Variants in KATNAL1 observed in about 807,000 individuals in gnomAD.
KATNAL1 encodes katanin catalytic subunit A1 like 1, also known as katanin p60 ATPase-containing subunit A-like 1.
In KATNAL1, 32 loss-of-function variants were observed where a neutral mutation model predicts 55.2. The ratio of observed to expected loss-of-function variants is 0.58; its 90% confidence interval spans 0.44 to 0.78. The LOEUF (loss-of-function observed/expected upper bound fraction) is 0.78, where lower values mean the gene tolerates loss of function less well. Among genes scored for constraint, KATNAL1 ranks in the 30% least tolerant of loss-of-function variants. The pLI, the probability that KATNAL1 is intolerant of heterozygous loss-of-function variation, is 0.00. For synonymous variants in KATNAL1, 193 were observed against 193.6 expected, an observed-to-expected ratio of 1.00 and a Z score of 0.02; for missense variants, 466 against 600.9, an observed-to-expected ratio of 0.78 and a Z score of 2.35.
intron 4 of KATNAL1, among the ~76,000 whole-genome samples, chr13:30,244,757 A>T (rs1877617999): frequency 6.6e-6 from 1 of 152,208 alleles, no homozygotes. Flanking sequence ...ACCATCAGAG[A>T]ATACTATAAA....
chr13:30,237,633 A>G (rs144433149), intron 6 of KATNAL1, among the ~76,000 whole-genome samples: 225 of 152,340 alleles, frequency 1.5e-3, no homozygotes, highest in African/African-American at 5.1e-3. Flanking sequence ...TTGAAAAGGC[A>G]CTTAATATGT....
Position 30,273,763 on chromosome 13 carries a change from T to TA in KATNAL1, c.323+6299dup, listed in dbSNP as rs1270144009. Among the ~76,000 whole-genome samples, 7 of 152,362 alleles carry TA rather than the reference T, an allele frequency of 4.6e-5. No homozygotes were observed. The East Asian group carries it at 1.3e-3, about 29-fold the overall frequency. The stretch of plus-strand genomic sequence containing the variant: ...TATTCCATCATATAAAGAATGAACT[T>TA]AAAATTTCTTTGTCATTAGTTCCTG... On this transcript the variant is annotated intron_variant, in intron 3 of 10. Transcript: ENST00000380615.
At chr13:30,255,043 T>C (rs894634300) in intron 4 of KATNAL1, among the ~76,000 whole-genome samples, 1 of 152,236 alleles carries the variant, frequency 6.6e-6, no homozygotes, top group Non-Finnish European at 1.5e-5. Context: ...AAGATACTTA[T>C]TTTTGGCAGT....
intron 9 of KATNAL1, among the ~76,000 whole-genome samples, chr13:30,223,380 T>C (rs1488064087): frequency 7.0e-6 from 1 of 142,000 alleles, no homozygotes; most frequent in African/African-American, 2.7e-5. Flanking sequence ...AGGCAGAGCT[T>C]GCAGTGAGCC....
intron 1 of KATNAL1, among the ~76,000 whole-genome samples, chr13:30,293,462 C>G (rs1882275635): frequency 6.6e-6 from 1 of 152,150 alleles, no homozygotes. Flanking sequence ...CCCTCCCAGT[C>G]AGTACTTTAA....
chr13:30,240,650 CT>C, intron 5 of KATNAL1, 85 bp from the exon 6 acceptor site: 1 of 910,810 alleles, frequency 1.1e-6, no homozygotes. Flanking sequence ...TTTTTTTTTA[CT>C]TATGAAATTA....
chr13:30,228,365 G>A (rs1875726190), intron 8 of KATNAL1, among the ~76,000 whole-genome samples: 1 of 152,122 alleles, frequency 6.6e-6, no homozygotes, highest in Non-Finnish European at 1.5e-5. Flanking sequence ...TGTTGTTCAG[G>A]CTGGAGTGCT....
chr13:30,279,959 T>G, intron 3 of KATNAL1, 104 bp downstream of exon 3: 1 of 969,436 alleles, frequency 1.0e-6, no homozygotes. Context: ...GATACTGAAA[T>G]TACATGTCCC....
chr13:30,303,431 G>A (rs894671022), intron 1 of KATNAL1, among the ~76,000 whole-genome samples: 7 of 152,282 alleles, frequency 4.6e-5, no homozygotes, highest in Admixed American at 2.0e-4. Flanking sequence ...GCCGGGTGTG[G>A]CCACATGCCT....
chr13:30,263,832 A>C (rs1230526202), intron 3 of KATNAL1, among the ~76,000 whole-genome samples: 1 of 145,020 alleles, frequency 6.9e-6, no homozygotes, highest in East Asian at 2.0e-4. Context: ...TGCCATCCCC[A>C]TCAAGCTACC....
chr13:30,204,859 G>A lies in KATNAL1; in HGVS notation c.*3681C>T, dbSNP rs1291867435. 1 of 152,200 alleles carries A rather than the reference G, an allele frequency of 6.6e-6. No homozygotes were observed. The highest frequency in any genetic ancestry group is 1.5e-5 in the Non-Finnish European group (1 of 68,040). The allele number at this position is 152,200 out of a possible 1,614,324, so 9.4% of individuals were successfully genotyped here. On this transcript the variant is annotated 3_prime_UTR_variant, in exon 11 of 11. Transcript: ENST00000380615. ...TCCAAAATGGCTAGGTATTGTGGGA[G>A]GTAGTGGTCAGACCCGAAAGTGTGT...
intron 1 of KATNAL1, among the ~76,000 whole-genome samples, chr13:30,302,644 G>A (rs1018506830): frequency 3.3e-5 from 5 of 152,200 alleles, no homozygotes; most frequent in African/African-American, 7.2e-5. Flanking sequence ...CCTCAAACAC[G>A]TAAAAGCTAA....
In KATNAL1 at chr13:30,223,235, C is replaced by T. The variant is rs536791010; in HGVS notation, c.1147+4177G>A. On this transcript the variant is annotated intron_variant, in intron 9 of 10. Coordinates refer to ENST00000380615, the MANE Select transcript of KATNAL1 (RefSeq NM_032116.5). ...CGGGCGGATCACAAGGTCAGGAGAT[C>T]GAGACCATCCTGGCTAACACGGTGA... Among the ~76,000 whole-genome samples the T allele has an allele frequency of 3.2e-4, 49 of 151,948 alleles. No homozygotes were observed. In the South Asian group the frequency reaches 5.6e-3, roughly 17 times the overall value.
In KATNAL1 at chr13:30,204,009, C is replaced by T. The variant is rs1325182893; in HGVS notation, c.*4531G>A. The T allele has an allele frequency of 6.6e-6, 1 of 152,072 alleles. No individual in the cohort carries two copies. The highest frequency in any genetic ancestry group is 1.5e-5 in the Non-Finnish European group (1 of 68,004). The allele number at this position is 152,072 out of a possible 1,614,324, so 9.4% of individuals were successfully genotyped here. On this transcript the variant is annotated 3_prime_UTR_variant, in exon 11 of 11. Coordinates refer to ENST00000380615, the MANE Select transcript of KATNAL1 (RefSeq NM_032116.5). ...TTAGTGGAGATGACAGTAAAACATT[C>T]GAGGCTTAAATATTTTTACCCCCCT...
chr13:30,270,333 C>A (rs1400997664), intron 3 of KATNAL1, among the ~76,000 whole-genome samples: 1 of 148,604 alleles, frequency 6.7e-6, no homozygotes, highest in Non-Finnish European at 1.5e-5. Flanking sequence ...AGCCGCCCCA[C>A]CCGGGAGGTG....
chr13:30,211,869 G>T (rs779159353), intron 9 of KATNAL1, among the ~76,000 whole-genome samples: 33 of 152,220 alleles, frequency 2.2e-4, no homozygotes, highest in Non-Finnish European at 3.4e-4. Context: ...TGTGGAAATA[G>T]ACAAATAGAT....
intron 9 of KATNAL1, among the ~76,000 whole-genome samples, chr13:30,215,832 G>A (rs999358856): frequency 6.6e-6 from 1 of 152,048 alleles, no homozygotes; most frequent in Non-Finnish European, 1.5e-5. Flanking sequence ...GCTAAATGAC[G>A]AGTTAATGGG....
intron 1 of KATNAL1, among the ~76,000 whole-genome samples, chr13:30,306,499 G>A (rs1053155605): frequency 3.3e-5 from 5 of 152,042 alleles, no homozygotes; most frequent in Non-Finnish European, 5.9e-5. Flanking sequence ...TGAACCTCAA[G>A]AAATAAAATT....
At chr13:30,213,623 A>G (rs1304940893) in intron 9 of KATNAL1, among the ~76,000 whole-genome samples, 3 of 152,188 alleles carry the variant, frequency 2.0e-5, no homozygotes, top group Admixed American at 6.5e-5. Context: ...TTCAACATAC[A>G]CAAATCAATA....
Sources: allele counts gnomAD v4.1 joint callset (sites outside exome capture counted in the v4.1 genomes callset), GRCh38; gene constraint gnomAD v4.1.1; transcripts MANE v1.5; gene names NCBI Gene and HGNC (gene_info 2026-07-23, HGNC 2026-07-21).